Variants in ARMC2 observed in about 807,000 individuals in gnomAD.
The protein encoded by ARMC2 is armadillo repeat containing 2.
A neutral mutation model predicts 90.3 loss-of-function variants in ARMC2; 67 were observed. That is an observed-to-expected ratio of 0.74 (90% confidence interval 0.61 to 0.91). The LOEUF (loss-of-function observed/expected upper bound fraction) is 0.91. ARMC2 is among the 40% of genes least tolerant of loss of function. ARMC2 has a pLI of 0.00. For missense variants in ARMC2, 920 were observed against 1,030.9 expected (o/e 0.89, Z 1.47); for synonymous variants, 393 against 393.0 (o/e 1.00, Z 0.00).
the ARMC2 span, among the ~76,000 whole-genome samples, chr6:109,015,322 T>G: frequency 6.6e-6 from 1 of 152,124 alleles, no homozygotes; most frequent in Non-Finnish European, 1.5e-5. Flanking sequence ...CTGTGACTGC[T>G]CTCCTGCACT....
intron 10 of ARMC2, among the ~76,000 whole-genome samples, chr6:108,914,822 G>GA (rs1773785841): frequency 6.6e-6 from 1 of 152,116 alleles, no homozygotes; most frequent in Admixed American, 6.5e-5. Context: ...CTGCTTTTGT[G>GA]AATGTGTAAC....
the ARMC2 span, among the ~76,000 whole-genome samples, chr6:109,027,395 T>C: frequency 6.9e-6 from 1 of 145,856 alleles, no homozygotes; most frequent in Middle Eastern, 3.7e-3. Context: ...GAGAATTGCT[T>C]GAACCAGGGA....
chr6:108,929,070 G>A (rs928742482), intron 11 of ARMC2, among the ~76,000 whole-genome samples: 1 of 151,936 alleles, frequency 6.6e-6, no homozygotes, highest in African/African-American at 2.4e-5. Flanking sequence ...TTGGGGTCTC[G>A]ACAATCATGT....
chr6:108,867,010 A>G (rs1775888093), intron 3 of ARMC2, among the ~76,000 whole-genome samples: 1 of 152,062 alleles, frequency 6.6e-6, no homozygotes. Context: ...ACATCACCCA[A>G]TTTTCCAAAT....
At chr6:108,922,885 G>C (rs1357932666) in intron 10 of ARMC2, 1 of 152,222 alleles carries the variant, frequency 6.6e-6, no homozygotes, top group African/African-American at 2.4e-5. Flanking sequence ...AAGCAAAATG[G>C]AATGTTTCTT....
rs141758682 is a variant in ARMC2 at position 108,880,578 on chromosome 6, A to G, written c.671+4228A>G. Among the ~76,000 whole-genome samples the G allele has an allele frequency of 3.7e-4, 57 of 152,374 alleles. No individual in the cohort carries two copies. The East Asian group carries it at 8.1e-3, about 22-fold the overall frequency. ...GAGCAAGGAACGAAGATAATGATCA[A>G]GTTCGAGGATGACATATAAACCTCT... On this transcript the variant is annotated intron_variant, in intron 5 of 17. Coordinates refer to ENST00000392644, the MANE Select transcript of ARMC2 (RefSeq NM_032131.6).
intron 10 of ARMC2, among the ~76,000 whole-genome samples, chr6:108,916,946 C>T (rs1196873504): frequency 6.6e-6 from 1 of 152,168 alleles, no homozygotes; most frequent in Non-Finnish European, 1.5e-5. Context: ...GTCTTGAGAA[C>T]ATCATGTACA....
chr6:108,979,940 T>G, the ARMC2 span, among the ~76,000 whole-genome samples: 1 of 152,074 alleles, frequency 6.6e-6, no homozygotes, highest in East Asian at 1.9e-4. Flanking sequence ...TAGAACATGC[T>G]CCTTTAGCTC....
At chr6:108,879,622 G>C (rs1777320066) in intron 5 of ARMC2, among the ~76,000 whole-genome samples, 1 of 138,916 alleles carries the variant, frequency 7.2e-6, no homozygotes, top group Admixed American at 7.9e-5. Context: ...ATCCATCCAT[G>C]GAATCTCTTT....
the ARMC2 span, among the ~76,000 whole-genome samples, chr6:109,045,639 G>A: frequency 6.6e-6 from 1 of 152,160 alleles, no homozygotes; most frequent in Non-Finnish European, 1.5e-5. Context: ...GGCTTCAAGA[G>A]CCAGCTGAGG....
In ARMC2 at chr6:108,910,942, T is replaced by C. The variant is rs1421871847; in HGVS notation, c.1067T>C (p.Ile356Thr). Residue 356 changes from isoleucine to threonine, a missense_variant, in exon 9 of 18, where the codon ATA becomes ACA. Physicochemically the swap from Ile to Thr is moderately conservative, Grantham distance 89. Transcript: ENST00000392644. ...RKNLLNVCKLIFKISRNEKND... is the reference protein window; with the variant it reads ...RKNLLNVCKLTFKISRNEKND... ...AATCTTCTTAATGTCTGCAAACTTATATTTAAAATTAGCAGGAATGAGAAG... is the reference window on the plus strand; with the variant it reads ...AATCTTCTTAATGTCTGCAAACTTACATTTAAAATTAGCAGGAATGAGAAG... 12 of 1,583,610 alleles carry C rather than the reference T, an allele frequency of 7.6e-6. No homozygotes were observed. Among genetic ancestry groups the C allele is most frequent in the African/African-American group, 1.3e-5 (1 of 74,576 alleles).
intron 3 of ARMC2, among the ~76,000 whole-genome samples, chr6:108,866,418 C>A (rs566175846): frequency 1.3e-5 from 2 of 152,314 alleles, no homozygotes; most frequent in East Asian, 3.9e-4. Context: ...TCCTTCAGAA[C>A]AGACCCCTCA....
At position 108,894,496 on chromosome 6, in the gene ARMC2, C is replaced by T. The variant is rs1771398903; in HGVS notation, c.701C>T (p.Ser234Leu). The T allele has an allele frequency of 6.2e-7, 1 of 1,611,906 alleles. No homozygotes were observed. Among genetic ancestry groups the T allele is most frequent in the Non-Finnish European group, 8.5e-7 (1 of 1,179,040 alleles). The change falls in exon 6 of 18, where the codon TCA (serine) becomes TTA (leucine). Residue 234 changes from serine (S) to leucine (L), a missense_variant. By Grantham distance (145) the Ser-to-Leu change is moderately radical. Coordinates refer to ENST00000392644, the MANE Select transcript of ARMC2 (RefSeq NM_032131.6). ...GDQGKRHARASSCPSSSDLSR... is the reference protein window; with the variant it reads ...GDQGKRHARALSCPSSSDLSR... The stretch of plus-strand genomic sequence containing the variant: ...CAGGGGAAGAGACATGCGAGGGCCT[C>T]ATCATGCCCCAGTAGCTCAGACCTG...
intron 17 of ARMC2, among the ~76,000 whole-genome samples, chr6:108,967,719 A>C (rs1002577435): frequency 6.6e-6 from 1 of 151,940 alleles, no homozygotes; most frequent in African/African-American, 2.4e-5. Context: ...TATTCTTTTT[A>C]TTGTTGTTGT....
downstream of ARMC2, among the ~76,000 whole-genome samples, chr6:108,977,898 T>C (rs1779015808): frequency 6.6e-6 from 1 of 152,208 alleles, no homozygotes; most frequent in African/African-American, 2.4e-5. Flanking sequence ...TATTCTTCTT[T>C]ATTAGTCTGG....
intron 8 of ARMC2, among the ~76,000 whole-genome samples, chr6:108,909,464 AC>A (rs1159107195): frequency 1.3e-5 from 2 of 152,010 alleles, no homozygotes; most frequent in African/African-American, 4.8e-5. Flanking sequence ...AAAAAAAAAA[AC>A]ACTATATTTC....
chr6:108,973,098 G>A (rs1778869843), intron 17 of ARMC2, among the ~76,000 whole-genome samples: 1 of 152,130 alleles, frequency 6.6e-6, no homozygotes, highest in African/African-American at 2.4e-5. Context: ...AGGCCAAGGT[G>A]GGAGGATTGC....
In ARMC2 at chr6:108,957,256, C is replaced by CA. The variant is rs538298478; in HGVS notation, c.1915+3906dup. On this transcript the variant is annotated intron_variant, in intron 13 of 17. Transcript: ENST00000392644. ...GCAAAAGTCACCCCTGACAGGGGGT[C>CA]ACCCCCCTCCACCTTCCCCTTACAC... is the stretch of plus-strand genomic sequence containing the variant. Among the ~76,000 whole-genome samples, 270 of 152,312 alleles carry CA rather than the reference C, an allele frequency of 1.8e-3. 2 individuals are homozygous for CA. Among genetic ancestry groups the CA allele is most frequent in the African/African-American group, 6.4e-3 (264 of 41,570 alleles).
chr6:108,926,564 A>C (rs1215604902), intron 10 of ARMC2, among the ~76,000 whole-genome samples: 1 of 152,140 alleles, frequency 6.6e-6, no homozygotes, highest in East Asian at 1.9e-4. Flanking sequence ...GTCTTTACTA[A>C]AAATACAAAA....
Sources: gnomAD v4.1 joint callset for allele counts (sites outside exome capture counted in the v4.1 genomes callset) on GRCh38, gnomAD v4.1.1 for gene constraint, MANE v1.5 for transcripts, NCBI Gene and HGNC (gene_info 2026-07-23, HGNC 2026-07-21) for gene names.